The following PAX5 variants were observed in gnomAD, a reference collection of about 807,000 sequenced individuals.
PAX5 encodes the protein paired box protein Pax-5.
Under a neutral mutation model 43.7 loss-of-function variants are expected in PAX5, and 9 were observed. That is an observed-to-expected ratio of 0.21 (90% CI 0.12 to 0.36). PAX5 has a LOEUF of 0.36. Ranked by LOEUF, PAX5 falls within the 10% of genes least tolerant of loss-of-function variation. The probability of loss-of-function intolerance (pLI) is 1.00; values close to 1 mark genes in which losing one functional copy is unlikely to be tolerated. For missense variants in PAX5, 383 were observed against 532.7 expected (o/e 0.72, Z 2.77); for synonymous variants, 228 against 214.3 (o/e 1.06, Z -0.56).
chr9:37,002,737 G>C lies in PAX5; in HGVS notation c.515C>G (p.Thr172Arg). 6.2e-7 allele frequency: 1 copy of C among 1,610,546 alleles called. No homozygotes were observed. The highest frequency in any genetic ancestry group is 8.5e-7 in the Non-Finnish European group (1 of 1,178,886). The change falls in exon 5 of 10, where the codon ACG becomes AGG. Residue 172 changes from threonine (T) to arginine (R), a missense_variant. Thr to Arg is a moderately conservative substitution (Grantham distance 71). This residue lies in a region of PAX5 where 291 missense variants were observed against 342.5 expected (regional missense o/e 0.85). Coordinates refer to ENST00000358127, the MANE Select transcript of PAX5 (RefSeq NM_016734.3). ...GGAGTACGACGAGCCGGCCGAATCC[G>C]TGCTCACCGAGGACACCTGCGTCAC... ...GSVTQVSSVS[T>R]DSAGSSYSIS... is the part of the protein sequence containing the mutation.
intron 5 of PAX5, among the ~76,000 whole-genome samples, chr9:36,981,044 G>A (rs552268274): frequency 3.9e-5 from 6 of 152,002 alleles, no homozygotes; most frequent in South Asian, 4.2e-4. Context: ...CAAGCTCACC[G>A]GCCTTGGGGT....
intron 1 of PAX5, among the ~76,000 whole-genome samples, chr9:37,022,717 A>G (rs1190160175): frequency 6.6e-6 from 1 of 152,200 alleles, no homozygotes; most frequent in African/African-American, 2.4e-5. Flanking sequence ...GTATCATGGG[A>G]AAACCCTAAA....
intron 6 of PAX5, among the ~76,000 whole-genome samples, chr9:36,944,719 C>T (rs915265718): frequency 6.6e-6 from 1 of 152,198 alleles, no homozygotes; most frequent in African/African-American, 2.4e-5. Flanking sequence ...GGTTTTCAAA[C>T]GTGATTTCTT....
chr9:36,886,071 T>C (rs1296245662), intron 7 of PAX5, among the ~76,000 whole-genome samples: 2 of 152,006 alleles, frequency 1.3e-5, no homozygotes, highest in African/African-American at 4.8e-5. Context: ...GAATATGTCC[T>C]GGCTAGCCTG....
chr9:36,875,292 C>T, intron 8 of PAX5, among the ~76,000 whole-genome samples: 1 of 152,244 alleles, frequency 6.6e-6, no homozygotes, highest in East Asian at 1.9e-4. Context: ...GCTACTGTGT[C>T]CTGAGTGCGA....
At chr9:37,022,431 A>G (rs753472726) in intron 1 of PAX5, among the ~76,000 whole-genome samples, 2 of 152,230 alleles carry the variant, frequency 1.3e-5, no homozygotes, top group Non-Finnish European at 2.9e-5. Context: ...GGTTGTACAG[A>G]TCTTTCAAGA....
intron 7 of PAX5, among the ~76,000 whole-genome samples, chr9:36,917,666 C>T (rs1829829042): frequency 6.6e-6 from 1 of 152,182 alleles, no homozygotes; most frequent in South Asian, 2.1e-4. Flanking sequence ...CCTAAAGAGG[C>T]ATGTGCATAA....
chr9:36,947,129 G>A (rs1378868748), intron 6 of PAX5, among the ~76,000 whole-genome samples: 1 of 152,112 alleles, frequency 6.6e-6, no homozygotes, highest in East Asian at 1.9e-4. Flanking sequence ...AAATAAATAT[G>A]CCTGTTCCTA....
intron 6 of PAX5, among the ~76,000 whole-genome samples, chr9:36,950,557 A>G (rs964238691): frequency 1.1e-4 from 17 of 152,084 alleles, no homozygotes; most frequent in Non-Finnish European, 2.1e-4. Flanking sequence ...CCCAATCCAC[A>G]TTTAGGCAGC....
At chr9:36,986,003 C>A (rs573936035) in intron 5 of PAX5, among the ~76,000 whole-genome samples, 1 of 152,134 alleles carries the variant, frequency 6.6e-6, no homozygotes, top group Non-Finnish European at 1.5e-5. Flanking sequence ...TTCCACGCTG[C>A]GCGTCCGCCA....
chr9:36,845,497 T>C (rs999846231), intron 9 of PAX5, among the ~76,000 whole-genome samples: 2 of 152,236 alleles, frequency 1.3e-5, no homozygotes, highest in Admixed American at 1.3e-4. Flanking sequence ...CTGCAGATTC[T>C]GCCCCTCTTG....
At chr9:36,994,381 G>A (rs927525583) in intron 5 of PAX5, among the ~76,000 whole-genome samples, 1 of 152,210 alleles carries the variant, frequency 6.6e-6, no homozygotes, top group Non-Finnish European at 1.5e-5. Flanking sequence ...GCAGGGTATA[G>A]AGCACATGAC....
intron 6 of PAX5, among the ~76,000 whole-genome samples, chr9:36,960,659 G>A (rs188538568): frequency 3.1e-4 from 47 of 152,240 alleles, no homozygotes; most frequent in African/African-American, 1.1e-3. Flanking sequence ...CACAGATCCC[G>A]GGCTCTGGGA....
intron 1 of PAX5, among the ~76,000 whole-genome samples, chr9:37,027,243 A>G (rs1015562665): frequency 8.5e-5 from 13 of 152,070 alleles, no homozygotes; most frequent in African/African-American, 3.1e-4. Flanking sequence ...TCCGCCCCTG[A>G]CGCTGGGGCC....
chr9:36,878,672 C>T (rs966728841), intron 8 of PAX5, among the ~76,000 whole-genome samples: 1 of 152,166 alleles, frequency 6.6e-6, no homozygotes, highest in African/African-American at 2.4e-5. Context: ...AGCCCAGGGC[C>T]CCTGCTCTGC....
intron 1 of PAX5, among the ~76,000 whole-genome samples, chr9:37,032,109 TGGCTCTCTAGATTTTAA>T (rs1200129199): frequency 2.6e-5 from 4 of 152,118 alleles, no homozygotes; most frequent in Admixed American, 6.5e-5. Context: ...GGAGGGGGCG[TGGCTCTCTAGATTTTAA>T]GGCTTGGCCA....
At chr9:36,862,116 C>G (rs1272515987) in intron 8 of PAX5, among the ~76,000 whole-genome samples, 2 of 152,124 alleles carry the variant, frequency 1.3e-5, no homozygotes, top group South Asian at 4.1e-4. Context: ...ATGCTGAATT[C>G]TAGTCCTGGC....
intron 6 of PAX5, among the ~76,000 whole-genome samples, chr9:36,938,949 C>G (rs751189838): frequency 6.6e-6 from 1 of 152,192 alleles, no homozygotes; most frequent in Non-Finnish European, 1.5e-5. Context: ...AGATTAGCCT[C>G]GAGAAGGAAG....
chr9:36,882,255 CACAA>C lies in PAX5; in HGVS notation c.911-154_911-151del, dbSNP rs1826501862. ...CTCCCCCCTGTCGCTCACACGCTCT[CACAA>C]ACACACATACACACACACACACACA... On this transcript the variant is annotated intron_variant, in intron 7 of 9. Coordinates refer to ENST00000358127, the MANE Select transcript of PAX5 (RefSeq NM_016734.3). This position sits in a 1 kb window ranked among gnomAD's most constrained non-coding sequence, Gnocchi z 4.4. The C allele has an allele frequency of 1.7e-6, 1 of 587,722 alleles. No homozygotes were observed. The highest frequency in any genetic ancestry group is 2.0e-5 in the South Asian group (1 of 50,134). The allele number at this position is 587,722 out of a possible 1,614,324, so 36.4% of individuals were successfully genotyped here.
Sources: gnomAD v4.1 joint callset for allele counts (sites outside exome capture counted in the v4.1 genomes callset) on GRCh38, gnomAD v4.1.1 for gene constraint, gnomAD v4.1.1 regional missense constraint, Gnocchi (gnomAD v3.1) non-coding constraint, MANE v1.5 for transcripts, NCBI Gene and HGNC (gene_info 2026-07-23, HGNC 2026-07-21) for gene names.